Variants in NEBL observed in about 807,000 individuals in gnomAD.
NEBL encodes the protein nebulette.
A neutral mutation model predicts 140.2 loss-of-function variants in NEBL; 122 were observed. The observed-to-expected ratio is 0.87, with a 90% confidence interval of 0.75 to 1.01. The LOEUF (loss-of-function observed/expected upper bound fraction) is 1.01, where lower values mean the gene tolerates loss of function less well. Ranked by LOEUF, NEBL falls within the 50% of genes least tolerant of loss-of-function variation. NEBL has a pLI of 0.00. For synonymous variants in NEBL, 436 were observed against 398.9 expected, an observed-to-expected ratio of 1.09 and a Z score of -1.11; for missense variants, 1,365 against 1,231.3, an observed-to-expected ratio of 1.11 and a Z score of -1.62.
At chr10:21,045,522 T>G (rs938019426) in intron 2 of NEBL, among the ~76,000 whole-genome samples, 21 of 152,018 alleles carry the variant, frequency 1.4e-4, no homozygotes, top group African/African-American at 4.8e-4. Context: ...AACTGAATAG[T>G]AAGAAAACAA....
At chr10:21,061,293 A>C (rs1835272501) in intron 2 of NEBL, among the ~76,000 whole-genome samples, 1 of 137,646 alleles carries the variant, frequency 7.3e-6, no homozygotes, top group Admixed American at 7.1e-5. Flanking sequence ...GATATGTAAC[A>C]TATTACATAT....
At chr10:21,220,662 C>T (rs1404150528) in intron 3 of NEBL, among the ~76,000 whole-genome samples, 1 of 151,656 alleles carries the variant, frequency 6.6e-6, no homozygotes, top group African/African-American at 2.4e-5. Flanking sequence ...TTGCATCAAA[C>T]TAAAAAGGTT....
At chr10:20,991,794 T>G (rs1163990524) in intron 3 of NEBL, among the ~76,000 whole-genome samples, 2 of 108,188 alleles carry the variant, frequency 1.8e-5, no homozygotes, top group Non-Finnish European at 3.5e-5. Flanking sequence ...GAATCCCCAG[T>G]GTTTATTATT....
intron 4 of NEBL, among the ~76,000 whole-genome samples, chr10:20,929,115 T>C (rs748069990): frequency 1.6e-4 from 24 of 152,122 alleles, no homozygotes; most frequent in Non-Finnish European, 2.6e-4. Flanking sequence ...CTACTGGGTA[T>C]CTACCCAGAG....
chr10:20,842,831 T>G (rs1178916415), intron 12 of NEBL, among the ~76,000 whole-genome samples: 1 of 152,096 alleles, frequency 6.6e-6, no homozygotes, highest in Non-Finnish European at 1.5e-5. Flanking sequence ...TCCTCCCGTT[T>G]AGAGATTTTG....
At chr10:21,186,002 C>T (rs974421251) in intron 3 of NEBL, among the ~76,000 whole-genome samples, 16 of 152,130 alleles carry the variant, frequency 1.1e-4, no homozygotes, top group Non-Finnish European at 5.9e-5. Context: ...GAGATGTGTG[C>T]TATTGGGGCT....
chr10:21,229,058 T>C (rs1842209676), intron 3 of NEBL, among the ~76,000 whole-genome samples: 1 of 152,112 alleles, frequency 6.6e-6, no homozygotes, highest in African/African-American at 2.4e-5. Context: ...AAAAAATCTG[T>C]TACAATTTGG....
intron 24 of NEBL, among the ~76,000 whole-genome samples, chr10:20,810,222 C>A (rs1319793636): frequency 6.6e-6 from 1 of 152,158 alleles, no homozygotes; most frequent in Non-Finnish European, 1.5e-5. Context: ...CTATATGCAT[C>A]CCCTCACAGC....
chr10:21,056,568 T>C (rs1420081835), intron 2 of NEBL, among the ~76,000 whole-genome samples: 4 of 152,162 alleles, frequency 2.6e-5, no homozygotes, highest in Non-Finnish European at 5.9e-5. Context: ...TGAACATGCA[T>C]AGAGAACGAG....
Position 20,787,327 on chromosome 10 carries a change from C to A in NEBL, c.2762-19G>T, listed in dbSNP as rs1835507686. ...ACAGGTGCTGCATGTTAAACATACA[C>A]ACACACAAAGATTCCTTAAAGTTAG... On this transcript the variant is annotated intron_variant, in intron 26 of 27. Transcript: ENST00000377122. 6.3e-7 allele frequency: 1 copy of A among 1,578,226 alleles called. No individual in the cohort carries two copies. Among genetic ancestry groups the A allele is most frequent in the South Asian group, 1.1e-5 (1 of 89,236 alleles).
chr10:21,002,832 G>A (rs1837963124), intron 3 of NEBL, among the ~76,000 whole-genome samples: 1 of 152,024 alleles, frequency 6.6e-6, no homozygotes, highest in African/African-American at 2.4e-5. Context: ...TCCAACACTG[G>A]AGATTACAAT....
At chr10:21,138,884 CTA>C (rs1287760317) in intron 2 of NEBL, among the ~76,000 whole-genome samples, 4 of 150,108 alleles carry the variant, frequency 2.7e-5, no homozygotes, top group Non-Finnish European at 5.9e-5. Flanking sequence ...AGAGCGATTA[CTA>C]TCATTCCAGA....
intron 1 of NEBL, among the ~76,000 whole-genome samples, chr10:21,172,723 A>G (rs1451561901): frequency 6.6e-6 from 1 of 152,176 alleles, no homozygotes; most frequent in Non-Finnish European, 1.5e-5. Flanking sequence ...ACGAACTGTC[A>G]AGGTTCTGTC....
intron 3 of NEBL, among the ~76,000 whole-genome samples, chr10:21,219,939 A>C (rs894389009): frequency 6.7e-6 from 1 of 150,344 alleles, no homozygotes; most frequent in Non-Finnish European, 1.5e-5. Flanking sequence ...GTTTAGACAG[A>C]GTATTGCTTT....
At chr10:21,160,048 A>G (rs1413645687) in intron 2 of NEBL, among the ~76,000 whole-genome samples, 1 of 152,218 alleles carries the variant, frequency 6.6e-6, no homozygotes, top group Non-Finnish European at 1.5e-5. Flanking sequence ...ACCCACCAGT[A>G]TAGACCCAGA....
At chr10:21,057,191 CAG>C (rs1835060175) in intron 2 of NEBL, among the ~76,000 whole-genome samples, 1 of 151,890 alleles carries the variant, frequency 6.6e-6, no homozygotes, top group South Asian at 2.1e-4. Flanking sequence ...TTTAAAATAA[CAG>C]AGAGGTTATA....
intron 4 of NEBL, among the ~76,000 whole-genome samples, chr10:20,956,210 A>G (rs890012662): frequency 2.6e-5 from 4 of 152,212 alleles, no homozygotes; most frequent in South Asian, 4.1e-4. Flanking sequence ...TACATTTCTC[A>G]CATGAAAGTA....
intron 24 of NEBL, 44 bp downstream of exon 24, chr10:20,812,725 T>C: frequency 2.5e-6 from 4 of 1,609,198 alleles, no homozygotes; most frequent in Non-Finnish European, 3.4e-6. Context: ...GCAAGCATGA[T>C]CTTTTCGACC....
intron 2 of NEBL, among the ~76,000 whole-genome samples, chr10:21,092,990 C>A (rs976084513): frequency 6.6e-6 from 1 of 152,232 alleles, no homozygotes; most frequent in East Asian, 1.9e-4. Context: ...AGTATATTTT[C>A]TCTGATGTGG....
Sources: gnomAD v4.1 joint callset for allele counts (sites outside exome capture counted in the v4.1 genomes callset) on GRCh38, gnomAD v4.1.1 for gene constraint, MANE v1.5 for transcripts, NCBI Gene and HGNC (gene_info 2026-07-23, HGNC 2026-07-21) for gene names.